HECTD4: variants seen among roughly 807,000 people sequenced by gnomAD.
HECTD4 encodes the protein probable E3 ubiquitin-protein ligase HECTD4.
In HECTD4, 114 loss-of-function variants were observed where a neutral mutation model predicts 471.5. That is an observed-to-expected ratio of 0.24 (90% CI 0.21 to 0.28). The LOEUF is 0.28. Ranked by LOEUF, HECTD4 falls within the 10% of genes least tolerant of loss-of-function variation. HECTD4 has a pLI of 1.00. For synonymous variants in HECTD4, 2,012 were observed against 2,256.0 expected (o/e 0.89, Z 3.07); for missense variants, 3,866 against 5,651.5 (o/e 0.68, Z 10.13).
Position 112,160,206 on chromosome 12 carries a change from C to T in HECTD4, c.*2181G>A, listed in dbSNP as rs138376896. The T allele has an allele frequency of 8.5e-5, 13 of 152,316 alleles. No individual in the cohort carries two copies. The highest frequency in any genetic ancestry group is 6.5e-4 in the Admixed American group (10 of 15,308). 9.4% of individuals were successfully genotyped at this position (152,316 alleles called of 1,614,324 possible). A position where few individuals can be genotyped will look rare whatever the true frequency, so the allele number is the denominator to read the frequency against. ...GCCAAGAGACCATAATAATTAGAAA[C>T]ACTTTAATTCCTAGCCACTTGGCAG... is the stretch of plus-strand genomic sequence containing the variant. On this transcript the variant is annotated 3_prime_UTR_variant, in exon 76 of 76. Coordinates refer to ENST00000682272, the MANE Select transcript of HECTD4 (RefSeq NM_001388303.1).
intron 61 of HECTD4, 59 bp from the exon 62 acceptor site, chr12:112,183,325 G>A (rs1187307123): frequency 7.6e-7 from 1 of 1,311,742 alleles, no homozygotes; most frequent in Non-Finnish European, 1.1e-6. Flanking sequence ...TTCAGTGTGA[G>A]TGAACTTCTC....
Position 112,381,605 on chromosome 12 carries a change from G to A in HECTD4, c.177+347C>T, listed in dbSNP as rs1429105518. 6.6e-6 allele frequency among the ~76,000 whole-genome samples: 1 copy of A among 152,182 alleles called. No individual in the cohort carries two copies. Among genetic ancestry groups the A allele is most frequent in the African/African-American group, 2.4e-5 (1 of 41,470 alleles). ...CCCTGGAAGTGGGTCCTGGGGGCCC[G>A]TGGGGGAGGGGAGGGAGGGCCCGGG... On this transcript the variant is annotated intron_variant, in intron 1 of 75. Transcript: ENST00000682272. This position sits in a 1 kb window ranked among gnomAD's most constrained non-coding sequence, Gnocchi z 4.1.
At chr12:112,237,163 G>T in intron 34 of HECTD4, 65 bp from the exon 35 acceptor site, 2 of 1,439,912 alleles carry the variant, frequency 1.4e-6, no homozygotes, top group East Asian at 2.5e-5. Context: ...GTGAGCCTGA[G>T]GGGGCGGCGA....
In HECTD4 at chr12:112,319,233, A is replaced by G. The variant is rs1190178825; in HGVS notation, c.687T>C (p.Ala229=). The part of the protein sequence containing the change: ...ENAAAALVAL[A]CARGSLKTFV... ...CATTCGATTTTCCTTACCTGGCACAAGCCAAAGCCACCAGGGCAGCAGCAG... is the reference window on the plus strand; with the variant it reads ...CATTCGATTTTCCTTACCTGGCACAGGCCAAAGCCACCAGGGCAGCAGCAG... The change falls in exon 2 of 76, where the codon GCT becomes GCC. Residue 229 remains alanine (A), a synonymous_variant. Coordinates refer to ENST00000682272, the MANE Select transcript of HECTD4 (RefSeq NM_001388303.1). The surrounding 1 kb of genome is among the most constrained non-coding windows in gnomAD (Gnocchi z 5.3). 4.6e-6 allele frequency: 7 copies of G among 1,536,032 alleles called. No homozygotes were observed. The highest frequency in any genetic ancestry group is 2.0e-5 in the Admixed American group (1 of 50,988).
chr12:112,176,555 A>T (rs748991677), intron 65 of HECTD4, 41 bp downstream of exon 65: 1 of 1,406,084 alleles, frequency 7.1e-7, no homozygotes, highest in Non-Finnish European at 1.0e-6. Flanking sequence ...CCAGGATGGA[A>T]GTAGGTCCCA....
chr12:112,320,278 TA>T (rs1208782760), intron 1 of HECTD4, among the ~76,000 whole-genome samples: 1 of 151,990 alleles, frequency 6.6e-6, no homozygotes, highest in Non-Finnish European at 1.5e-5. Flanking sequence ...GAGGCTGCAG[TA>T]AGCCATGATG....
intron 1 of HECTD4, among the ~76,000 whole-genome samples, chr12:112,376,644 C>T (rs1017743553): frequency 6.6e-6 from 1 of 152,202 alleles, no homozygotes; most frequent in Non-Finnish European, 1.5e-5. Context: ...CTCCTCTCCC[C>T]TTTAGCTTAC....
At chr12:112,367,691 T>C (rs2036591129) in intron 1 of HECTD4, among the ~76,000 whole-genome samples, 1 of 151,180 alleles carries the variant, frequency 6.6e-6, no homozygotes, top group South Asian at 2.1e-4. Flanking sequence ...TGTGGTGGCA[T>C]GCACCTGTAA....
At chr12:112,264,262 C>G in intron 16 of HECTD4, 50 bp from the exon 17 acceptor site, 1 of 1,409,102 alleles carries the variant, frequency 7.1e-7, no homozygotes, top group Non-Finnish European at 9.4e-7. Context: ...ACTGAAAGAG[C>G]GATCATGTAA....
rs1281847291 is a variant in HECTD4 at position 112,228,024 on chromosome 12, A to C, written c.6854+65T>G. On this transcript the variant is annotated intron_variant, in intron 43 of 75. Coordinates refer to ENST00000682272, the MANE Select transcript of HECTD4 (RefSeq NM_001388303.1). This position sits in a 1 kb window ranked among gnomAD's most constrained non-coding sequence, Gnocchi z 4.9. ...AAGTTGGGAGTGGAGGGGCCCACCA[A>C]GGATCCCTTCTTCTGTCAGCTTGCA... The C allele has an allele frequency of 2.4e-5, 35 of 1,450,724 alleles. No homozygotes were observed. Among genetic ancestry groups the C allele is most frequent in the Non-Finnish European group, 3.1e-5 (34 of 1,087,850 alleles). The allele number at this position is 1,450,724 out of a possible 1,614,324, so 89.9% of individuals were successfully genotyped here. A position where few individuals can be genotyped will look rare whatever the true frequency, so the allele number is the denominator to read the frequency against.
At chr12:112,314,904 G>T (rs1224956535) in intron 2 of HECTD4, among the ~76,000 whole-genome samples, 1 of 152,190 alleles carries the variant, frequency 6.6e-6, no homozygotes, top group Non-Finnish European at 1.5e-5. Flanking sequence ...GGATCATAAA[G>T]TCTAACAGTA....
intron 39 of HECTD4, 71 bp downstream of exon 39, chr12:112,231,442 A>G (rs183386374): frequency 1.4e-6 from 2 of 1,447,332 alleles, no homozygotes; most frequent in African/African-American, 1.4e-5. Flanking sequence ...AAAATTAAAA[A>G]GCTAAAAACA....
intron 34 of HECTD4, 51 bp from the exon 35 acceptor site, chr12:112,237,149 C>T (rs1052322215): frequency 2.0e-6 from 3 of 1,493,372 alleles, no homozygotes; most frequent in Admixed American, 2.1e-5. Flanking sequence ...TTAAGGGTGC[C>T]ATGGTGAGCC....
intron 17 of HECTD4, among the ~76,000 whole-genome samples, chr12:112,263,795 T>C (rs1386538897): frequency 6.7e-6 from 1 of 150,330 alleles, no homozygotes; most frequent in African/African-American, 2.5e-5. Flanking sequence ...CAGGTACACA[T>C]GAGATCACTT....
intron 1 of HECTD4, among the ~76,000 whole-genome samples, chr12:112,363,398 C>T (rs537153895): frequency 6.6e-6 from 1 of 151,964 alleles, no homozygotes; most frequent in East Asian, 1.9e-4. Context: ...CCACCTTGTC[C>T]GGCCCAGTTT....
intron 1 of HECTD4, among the ~76,000 whole-genome samples, chr12:112,366,706 C>CA (rs1368930800): frequency 6.6e-6 from 1 of 151,434 alleles, no homozygotes; most frequent in Non-Finnish European, 1.5e-5. Flanking sequence ...CATGGTGAAA[C>CA]CCCATCTCTA....
Position 112,172,634 on chromosome 12 carries a change from A to G in HECTD4, c.11785+37T>C, listed in dbSNP as rs372248067. 2.1e-5 allele frequency: 33 copies of G among 1,596,950 alleles called. No individual in the cohort carries two copies. In the African/African-American group the frequency reaches 4.1e-4, roughly 20 times the overall value. ...CCTTGTCATGGGGCATGCCCGCATCAGGCAGCAGGGGAGGGGATAGGCCCA... is the reference window on the plus strand; with the variant it reads ...CCTTGTCATGGGGCATGCCCGCATCGGGCAGCAGGGGAGGGGATAGGCCCA... On this transcript the variant is annotated intron_variant, in intron 67 of 75. Transcript: ENST00000682272.
At chr12:112,170,609 G>T in intron 68 of HECTD4, 157 bp from the exon 69 acceptor site, 1 of 840,306 alleles carries the variant, frequency 1.2e-6, no homozygotes, top group Non-Finnish European at 1.8e-6. Flanking sequence ...GTCAGCATCC[G>T]CCCAGCATAT....
chr12:112,204,392 TAGG>T, intron 53 of HECTD4, 91 bp downstream of exon 53: 1 of 1,235,230 alleles, frequency 8.1e-7, no homozygotes. Context: ...AGAGTCACCC[TAGG>T]AGAACCACCA....
Sources: gnomAD v4.1 joint callset for allele counts (sites outside exome capture counted in the v4.1 genomes callset) on GRCh38, gnomAD v4.1.1 for gene constraint, Gnocchi (gnomAD v3.1) non-coding constraint, MANE v1.5 for transcripts, NCBI Gene and HGNC (gene_info 2026-07-23, HGNC 2026-07-21) for gene names.